SPATS2L: variants seen among roughly 807,000 people sequenced by gnomAD.
SPATS2L encodes SPATS2-like protein.
Under a neutral mutation model 59.6 loss-of-function variants are expected in SPATS2L, and 30 were observed. That is an observed-to-expected ratio of 0.50 (90% CI 0.38 to 0.68). The LOEUF is 0.68. SPATS2L is among the 30% of genes least tolerant of loss of function. The probability of loss-of-function intolerance (pLI) is 0.00; values close to 1 mark genes in which losing one functional copy is unlikely to be tolerated. For missense variants in SPATS2L, 615 were observed against 700.0 expected, an observed-to-expected ratio of 0.88 and a Z score of 1.37; for synonymous variants, 252 against 263.5, an observed-to-expected ratio of 0.96 and a Z score of 0.42.
intron 10 of SPATS2L, among the ~76,000 whole-genome samples, chr2:200,468,672 C>G (rs1333425319): frequency 6.6e-6 from 1 of 152,218 alleles, no homozygotes; most frequent in Non-Finnish European, 1.5e-5. Context: ...CCACACTAGT[C>G]TCTCTGCCTA....
intron 5 of SPATS2L, among the ~76,000 whole-genome samples, chr2:200,418,466 C>A (rs1036844776): frequency 2.6e-5 from 4 of 152,146 alleles, no homozygotes; most frequent in African/African-American, 4.8e-5. Flanking sequence ...AACAGCTACT[C>A]AGAAGGCTGA....
chr2:200,411,855 G>C (rs953643459), intron 3 of SPATS2L, among the ~76,000 whole-genome samples: 3 of 152,158 alleles, frequency 2.0e-5, no homozygotes, highest in African/African-American at 4.8e-5. Flanking sequence ...CACTTCTGTT[G>C]ACCCTCAAGA....
intron 2 of SPATS2L, among the ~76,000 whole-genome samples, chr2:200,384,608 T>C (rs1483482926): frequency 3.9e-5 from 6 of 152,174 alleles, no homozygotes; most frequent in Non-Finnish European, 7.3e-5. Flanking sequence ...CACCTCGGCC[T>C]CCCAAAGTGC....
At chr2:200,313,554 T>C (rs1235140218) in intron 1 of SPATS2L, among the ~76,000 whole-genome samples, 1 of 152,212 alleles carries the variant, frequency 6.6e-6, no homozygotes, top group Admixed American at 6.5e-5. Context: ...CATTGTCTTT[T>C]CTTCAGGGTC....
intron 8 of SPATS2L, among the ~76,000 whole-genome samples, chr2:200,454,829 A>G (rs1486582539): frequency 6.6e-6 from 1 of 152,228 alleles, no homozygotes; most frequent in African/African-American, 2.4e-5. Flanking sequence ...TTACCCAACC[A>G]TTTAGAAAAC....
intron 2 of SPATS2L, among the ~76,000 whole-genome samples, chr2:200,377,434 T>C (rs1237728026): frequency 6.6e-6 from 1 of 152,202 alleles, no homozygotes; most frequent in Non-Finnish European, 1.5e-5. Flanking sequence ...TGCTTGTGTG[T>C]GGTCAGCTAG....
At position 200,452,163 on chromosome 2, in the gene SPATS2L, T is replaced by A. The variant is rs570295997; in HGVS notation, c.789-7606T>A. Among the ~76,000 whole-genome samples the A allele has an allele frequency of 1.4e-4, 21 of 152,290 alleles. No individual in the cohort carries two copies. The South Asian group carries it at 4.3e-3, about 32-fold the overall frequency. ...TATAGTCAAAGACACTGAAATACAG[T>A]CAAGTTACTTTCCCTGAATAGTGAC... is the stretch of plus-strand genomic sequence containing the variant. On this transcript the variant is annotated intron_variant, in intron 8 of 12. Coordinates refer to ENST00000409140, the MANE Select transcript of SPATS2L (RefSeq NM_001100423.2).
chr2:200,345,826 T>G (rs1471438885), intron 2 of SPATS2L, among the ~76,000 whole-genome samples: 1 of 152,196 alleles, frequency 6.6e-6, no homozygotes, highest in Non-Finnish European at 1.5e-5. Flanking sequence ...GTTTTTAACT[T>G]TTTTGGAGCG....
chr2:200,394,988 A>C (rs2082286757), intron 3 of SPATS2L, among the ~76,000 whole-genome samples: 1 of 152,202 alleles, frequency 6.6e-6, no homozygotes, highest in Non-Finnish European at 1.5e-5. Flanking sequence ...TATCAGAACA[A>C]AATCTTTGGG....
chr2:200,421,098 G>T (rs780379940), intron 6 of SPATS2L, among the ~76,000 whole-genome samples: 1 of 152,192 alleles, frequency 6.6e-6, no homozygotes, highest in African/African-American at 2.4e-5. Flanking sequence ...AGATGCCACA[G>T]TAGATTCAGA....
At chr2:200,306,483 G>C (rs2079014428), upstream of SPATS2L, 2 of 1,002,242 alleles carry the variant, frequency 2.0e-6, no homozygotes, top group Non-Finnish European at 2.4e-6. Context: ...GAGGGCGTGT[G>C]GAGGGACGAG....
intron 2 of SPATS2L, among the ~76,000 whole-genome samples, chr2:200,352,496 G>A (rs1044090552): frequency 1.3e-5 from 2 of 151,630 alleles, no homozygotes; most frequent in Non-Finnish European, 2.9e-5. Flanking sequence ...AGGATCTCTT[G>A]TGAATCTGCT....
chr2:200,387,153 G>A lies in SPATS2L; in HGVS notation c.-22-2070G>A, dbSNP rs2082017474. 2.6e-5 allele frequency among the ~76,000 whole-genome samples: 4 copies of A among 152,202 alleles called. No individual in the cohort carries two copies. The South Asian group carries it at 6.2e-4, about 24-fold the overall frequency. On this transcript the variant is annotated intron_variant, in intron 2 of 12. Transcript: ENST00000409140. ...GTAACTTTCAGGGTCAGGAATAAGT[G>A]AAAATAAAATTCGAGTGTTATTTGC...
chr2:200,479,518 C>T lies in SPATS2L; in HGVS notation c.*1487C>T, dbSNP rs2087729625. 1.0e-5 allele frequency: 4 copies of T among 398,328 alleles called. No individual in the cohort carries two copies. Among genetic ancestry groups the T allele is most frequent in the African/African-American group, 6.2e-5 (3 of 48,528 alleles). 24.7% of individuals were successfully genotyped at this position (398,328 alleles called of 1,614,324 possible). A position where few individuals can be genotyped will look rare whatever the true frequency, so the allele number is the denominator to read the frequency against. On this transcript the variant is annotated 3_prime_UTR_variant, in exon 13 of 13. Transcript: ENST00000409140. ...CTGGAGCCTGGGTGTGGCCATCTTC[C>T]CAGAGTTCCTGAGCTAGATGGAGAA...
chr2:200,312,419 T>A (rs1032963191), intron 1 of SPATS2L, among the ~76,000 whole-genome samples: 1 of 152,196 alleles, frequency 6.6e-6, no homozygotes, highest in Non-Finnish European at 1.5e-5. Flanking sequence ...TCCCATGGTC[T>A]GTAAAGCTAG....
chr2:200,445,021 A>G (rs2084941747), intron 8 of SPATS2L, among the ~76,000 whole-genome samples: 1 of 152,154 alleles, frequency 6.6e-6, no homozygotes, highest in Admixed American at 6.6e-5. Context: ...TCCCCCAGCC[A>G]AAAGACTACT....
intron 9 of SPATS2L, among the ~76,000 whole-genome samples, chr2:200,466,716 G>A (rs2086631223): frequency 6.6e-6 from 1 of 152,156 alleles, no homozygotes; most frequent in Admixed American, 6.5e-5. Flanking sequence ...TTTTTTTGCT[G>A]AATGGAAACA....
rs539214208 is a variant in SPATS2L at position 200,413,062 on chromosome 2, T to C, written c.148+643T>C. Among the ~76,000 whole-genome samples the C allele has an allele frequency of 1.7e-4, 26 of 152,232 alleles. No homozygotes were observed. In the South Asian group the frequency reaches 2.9e-3, roughly 17 times the overall value. ...CAGACTGAGACCCTGTCTCAATAGA[T>C]AAATAAATAAATGTGTCCTTTATTT... is the stretch of plus-strand genomic sequence containing the variant. On this transcript the variant is annotated intron_variant, in intron 4 of 12. Coordinates refer to ENST00000409140, the MANE Select transcript of SPATS2L (RefSeq NM_001100423.2).
intron 8 of SPATS2L, among the ~76,000 whole-genome samples, chr2:200,453,124 A>G (rs993163583): frequency 1.3e-5 from 2 of 152,180 alleles, no homozygotes; most frequent in African/African-American, 4.8e-5. Context: ...GTAGACTTCC[A>G]AGGATGTAAC....
Sources: gnomAD v4.1 joint callset for allele counts (sites outside exome capture counted in the v4.1 genomes callset) on GRCh38, gnomAD v4.1.1 for gene constraint, MANE v1.5 for transcripts, NCBI Gene and HGNC (gene_info 2026-07-23, HGNC 2026-07-21) for gene names.